The following ZBBX variants were observed in gnomAD, a reference collection of about 807,000 sequenced individuals.
The protein encoded by ZBBX is zinc finger B-box domain-containing protein 1.
ZBBX carries 101 observed loss-of-function variants against 108.5 expected under a neutral mutation model. That is an observed-to-expected ratio of 0.93 (90% CI 0.79 to 1.10). ZBBX has a LOEUF of 1.10. ZBBX is among the 50% of genes least tolerant of loss of function. ZBBX has a pLI of 0.00. For synonymous variants in ZBBX, 356 were observed against 323.4 expected (o/e 1.10, Z -1.08); for missense variants, 1,009 against 941.4 (o/e 1.07, Z -0.94).
rs77361923 is a variant in ZBBX, at chr3:167,246,442, C to T, written c.2255-3799G>A. Among the ~76,000 whole-genome samples the T allele has an allele frequency of 5.0e-3, 760 of 152,310 alleles. 4 individuals carry two copies. The highest frequency in any genetic ancestry group is 0.018 in the African/African-American group (739 of 41,572). The stretch of plus-strand genomic sequence containing the variant: ...CTCCAGTTACTCAGAAAGCCACTGC[C>T]TCACTGTTTTATTTCACTGACAGTA... On this transcript the variant is annotated intron_variant, in intron 20 of 21. Transcript: ENST00000675490.
At chr3:167,401,985 A>C (rs1748438830) in intron 1 of ZBBX, among the ~76,000 whole-genome samples, 1 of 152,180 alleles carries the variant, frequency 6.6e-6, no homozygotes, top group Admixed American at 6.6e-5. Flanking sequence ...GTAAGCAGTG[A>C]GATCTGGCAG....
At chr3:167,249,258 T>C (rs1045372315) in intron 20 of ZBBX, among the ~76,000 whole-genome samples, 22 of 152,224 alleles carry the variant, frequency 1.4e-4, no homozygotes, top group Admixed American at 1.4e-3. Flanking sequence ...TGAGGACAGA[T>C]GGCCTGAGGC....
chr3:167,338,987 T>C (rs535903978), intron 9 of ZBBX, among the ~76,000 whole-genome samples: 1 of 152,254 alleles, frequency 6.6e-6, no homozygotes, highest in African/African-American at 2.4e-5. Flanking sequence ...TGGCCTGGCT[T>C]TTGAGAAAAC....
rs1213264441 is a variant in ZBBX, at chr3:167,298,439, C to G, written c.1745G>C (p.Cys582Ser). The change falls in exon 18 of 22, where the codon TGC becomes TCC. Residue 582 changes from cysteine to serine, a missense_variant. By Grantham distance (112) the Cys-to-Ser change is moderately radical. Transcript: ENST00000675490. Reference protein sequence around the residue: ...KSSLLLQEIACRSKPITKQYQ... With the variant: ...KSSLLLQEIASRSKPITKQYQ... ...TTGTTTTGTTATAGGCTTACTTCTG[C>G]AGGCTATTTCTTGTAACAACTAAGA... 6.7e-7 allele frequency: 1 copy of G among 1,500,250 alleles called. No individual in the cohort carries two copies. Among genetic ancestry groups the G allele is most frequent in the Non-Finnish European group, 9.0e-7 (1 of 1,116,190 alleles). 92.9% of individuals were successfully genotyped at this position (1,500,250 alleles called of 1,614,324 possible).
chr3:167,391,575 T>G (rs1748085940), intron 1 of ZBBX, among the ~76,000 whole-genome samples: 1 of 152,098 alleles, frequency 6.6e-6, no homozygotes, highest in African/African-American at 2.4e-5. Context: ...AGCTCCTCTT[T>G]GTACCTCTGG....
chr3:167,325,029 T>C (rs1465108418), intron 11 of ZBBX, among the ~76,000 whole-genome samples: 1 of 152,134 alleles, frequency 6.6e-6, no homozygotes, highest in Non-Finnish European at 1.5e-5. Flanking sequence ...GACAAAACAC[T>C]AAGATCCAAA....
At chr3:167,330,333 C>CT (rs1560134985) in intron 10 of ZBBX, among the ~76,000 whole-genome samples, 1 of 152,000 alleles carries the variant, frequency 6.6e-6, no homozygotes, top group Non-Finnish European at 1.5e-5. Context: ...ATTTATAAAC[C>CT]TTTTTTTAAA....
chr3:167,341,529 G>T (rs1240495656), intron 9 of ZBBX, among the ~76,000 whole-genome samples: 1 of 151,850 alleles, frequency 6.6e-6, no homozygotes, highest in Non-Finnish European at 1.5e-5. Flanking sequence ...TTAAATAACT[G>T]TGCCTTTCAA....
chr3:167,199,186 TG>T, the ZBBX span, among the ~76,000 whole-genome samples: 1 of 152,166 alleles, frequency 6.6e-6, no homozygotes. Flanking sequence ...TCAATCCTGT[TG>T]GGGACATGTG....
the ZBBX span, among the ~76,000 whole-genome samples, chr3:167,180,250 G>A: frequency 6.6e-6 from 1 of 152,198 alleles, no homozygotes; most frequent in Admixed American, 6.5e-5. Context: ...TAATTGCTGA[G>A]GGCTAGTGAG....
At chr3:167,238,405 T>C (rs1185940976), downstream of ZBBX, among the ~76,000 whole-genome samples, 1 of 152,060 alleles carries the variant, frequency 6.6e-6, no homozygotes, top group Non-Finnish European at 1.5e-5. Flanking sequence ...TCTTGATTGC[T>C]TATTGTCCAC....
rs146557498 is a variant in ZBBX, at chr3:167,329,777, G to T, written c.688-1661C>A. On this transcript the variant is annotated intron_variant, in intron 10 of 21. Coordinates refer to ENST00000675490, the MANE Select transcript of ZBBX (RefSeq NM_001199201.2). Reference sequence around the variant, plus strand: ...AGGAAGCAGGGGAAGAATATCAAGGGCTCTGCCTGCTGCACAGAGGAGCTT... The same window carrying T: ...AGGAAGCAGGGGAAGAATATCAAGGTCTCTGCCTGCTGCACAGAGGAGCTT... 2.6e-5 allele frequency among the ~76,000 whole-genome samples: 4 copies of T among 152,262 alleles called. No individual in the cohort carries two copies. The East Asian group carries it at 7.7e-4, about 29-fold the overall frequency.
At position 167,402,784 on chromosome 3, in the gene ZBBX, GTA is replaced by G. The variant is rs1491290780; in HGVS notation, c.-446+4940_-446+4941del. On this transcript the variant is annotated intron_variant, in intron 1 of 21. Transcript: ENST00000455345. Reference sequence around the variant, plus strand: ...ATTATATATCTGTAAACTACAATATGTAAAAAAAAAAAATAGATGAACTATAC... The same window carrying G: ...ATTATATATCTGTAAACTACAATATGAAAAAAAAAAATAGATGAACTATAC... Among the ~76,000 whole-genome samples, 443 of 123,974 alleles carry G rather than the reference GTA, an allele frequency of 3.6e-3. 2 individuals carry two copies. The highest frequency in any genetic ancestry group is 0.011 in the African/African-American group (409 of 35,828). 81.3% of individuals were successfully genotyped at this position (123,974 alleles called of 152,430 possible). A position where few individuals can be genotyped will look rare whatever the true frequency, so the allele number is the denominator to read the frequency against.
At chr3:167,214,061 G>T in the ZBBX span, among the ~76,000 whole-genome samples, 1 of 152,204 alleles carries the variant, frequency 6.6e-6, no homozygotes, top group East Asian at 1.9e-4. Context: ...AGAAAAGATG[G>T]TTACCAGCTA....
Position 167,333,988 on chromosome 3 carries a change from ATT to A in ZBBX, c.529-5_529-4del. 1 of 1,514,290 alleles carries A rather than the reference ATT, an allele frequency of 6.6e-7. No individual in the cohort carries two copies. Among genetic ancestry groups the A allele is most frequent in the Non-Finnish European group, 8.8e-7 (1 of 1,130,242 alleles). 93.8% of individuals were successfully genotyped at this position (1,514,290 alleles called of 1,614,324 possible). On this transcript the variant is annotated splice_polypyrimidine_tract_variant and splice_region_variant and intron_variant, in intron 9 of 21. Coordinates refer to ENST00000675490, the MANE Select transcript of ZBBX (RefSeq NM_001199201.2). ...TTGAATAATATTTGAGATTTTGCCTATTAAAAAAGTAACAATATAATTAAAGC... is the reference window on the plus strand; with the variant it reads ...TTGAATAATATTTGAGATTTTGCCTAAAAAAAGTAACAATATAATTAAAGC...
In ZBBX at chr3:167,240,875, G is replaced by A. The variant is rs1720543500; in HGVS notation, c.2438C>T (p.Ser813Phe). 1 of 1,613,478 alleles carries A rather than the reference G, an allele frequency of 6.2e-7. No homozygotes were observed. The highest frequency in any genetic ancestry group is 8.5e-7 in the Non-Finnish European group (1 of 1,179,532). The change falls in exon 22 of 22, where the codon TCT (serine) becomes TTT (phenylalanine). Residue 813 changes from serine to phenylalanine, a missense_variant. Transcript: ENST00000675490. The part of the protein sequence containing the change: ...DTKIQSLLSL[S>F]ESSTDEEEED... ...CTCCTCCTCATCTGTACTGCTCTCAGAAAGTGACAGCAAAGACTGAATTTT... is the reference window on the plus strand; with the variant it reads ...CTCCTCCTCATCTGTACTGCTCTCAAAAAGTGACAGCAAAGACTGAATTTT...
the ZBBX span, among the ~76,000 whole-genome samples, chr3:167,228,262 T>G: frequency 6.6e-6 from 1 of 151,770 alleles, no homozygotes; most frequent in South Asian, 2.1e-4. Flanking sequence ...TTTCTTAAAT[T>G]GATAAAAGTG....
the ZBBX span, among the ~76,000 whole-genome samples, chr3:167,215,450 A>C: frequency 6.6e-6 from 1 of 152,150 alleles, no homozygotes; most frequent in East Asian, 1.9e-4. Flanking sequence ...TTTCCTGAAC[A>C]CATCAATAAT....
At chr3:167,377,533 T>C (rs138637038) in intron 2 of ZBBX, among the ~76,000 whole-genome samples, 9 of 152,282 alleles carry the variant, frequency 5.9e-5, no homozygotes, top group Middle Eastern at 3.4e-3. Context: ...AATTAACATG[T>C]TTAGGCATTT....
Sources: gnomAD v4.1 joint callset for allele counts (sites outside exome capture counted in the v4.1 genomes callset) on GRCh38, gnomAD v4.1.1 for gene constraint, MANE v1.5 for transcripts, NCBI Gene and HGNC (gene_info 2026-07-23, HGNC 2026-07-21) for gene names.